Variants in RYR3 observed in about 807,000 individuals in gnomAD.
The protein encoded by RYR3 is ryanodine receptor 3, also known as brain ryanodine receptor-calcium release channel.
Under a neutral mutation model 584.3 loss-of-function variants are expected in RYR3, and 207 were observed. The ratio of observed to expected loss-of-function variants is 0.35; its 90% CI spans 0.32 to 0.40. The LOEUF is 0.40. Ranked by LOEUF, RYR3 falls within the 10% of genes least tolerant of loss-of-function variation. The probability of loss-of-function intolerance (pLI) is 1.00; values close to 1 mark genes in which losing one functional copy is unlikely to be tolerated. For missense variants in RYR3, 5,616 were observed against 6,089.2 expected (o/e 0.92, Z 2.59); for synonymous variants, 2,416 against 2,248.5 (o/e 1.07, Z -2.11).
At chr15:33,504,313 T>A (rs2052270429) in intron 3 of RYR3, among the ~76,000 whole-genome samples, 1 of 152,230 alleles carries the variant, frequency 6.6e-6, no homozygotes, top group Non-Finnish European at 1.5e-5. Context: ...TCAGAAGGCT[T>A]TTGGGCAAGA....
intron 64 of RYR3, among the ~76,000 whole-genome samples, chr15:33,777,726 G>C (rs566090094): frequency 6.6e-6 from 1 of 150,950 alleles, no homozygotes; most frequent in Non-Finnish European, 1.5e-5. Context: ...CTTCGTGTCT[G>C]ACTAACCTTC....
At chr15:33,650,043 A>C (rs1182053545) in intron 31 of RYR3, among the ~76,000 whole-genome samples, 1 of 152,226 alleles carries the variant, frequency 6.6e-6, no homozygotes, top group Non-Finnish European at 1.5e-5. Context: ...GCCAGAGGTG[A>C]GTCACAGTCA....
At chr15:33,787,099 A>G (rs1429753) in intron 66 of RYR3, among the ~76,000 whole-genome samples, 107,220 of 152,144 alleles carry the variant, frequency 0.7, 38,352 homozygotes, top group East Asian at 0.96. Context: ...CACAACGTGA[A>G]GGCCACTGAT....
intron 1 of RYR3, among the ~76,000 whole-genome samples, chr15:33,460,264 G>T (rs769024256): frequency 3.3e-5 from 5 of 152,222 alleles, no homozygotes; most frequent in Non-Finnish European, 5.9e-5. Context: ...AAGGGAAGCT[G>T]CTCCTTTAAC....
intron 3 of RYR3, among the ~76,000 whole-genome samples, chr15:33,511,828 C>G (rs905189199): frequency 2.6e-5 from 4 of 152,032 alleles, no homozygotes; most frequent in Admixed American, 2.0e-4. Flanking sequence ...GCCCAGGCTG[C>G]AGTGCAGTGG....
At chr15:33,825,445 C>T (rs1167037596) in intron 81 of RYR3, among the ~76,000 whole-genome samples, 158 bp from the exon 82 acceptor site, 2 of 152,068 alleles carry the variant, frequency 1.3e-5, no homozygotes, top group Admixed American at 1.3e-4. Context: ...CGGCACAAAA[C>T]CAAGGAATCA....
intron 1 of RYR3, among the ~76,000 whole-genome samples, chr15:33,446,896 G>A (rs1376237239): frequency 6.6e-5 from 10 of 152,154 alleles, no homozygotes; most frequent in South Asian, 4.1e-4. Context: ...GTTCTCCAAC[G>A]CCTTCACCAC....
At chr15:33,516,495 C>A (rs562354255) in intron 3 of RYR3, among the ~76,000 whole-genome samples, 1 of 152,064 alleles carries the variant, frequency 6.6e-6, no homozygotes, top group African/African-American at 2.4e-5. Context: ...AGATGCCCAC[C>A]ACCACGCCTG....
Position 33,724,988 on chromosome 15 carries a change from C to T in RYR3, c.6912+812C>T, listed in dbSNP as rs570825783. Among the ~76,000 whole-genome samples the T allele has an allele frequency of 3.3e-5, 5 of 151,964 alleles. No homozygotes were observed. In the South Asian group the frequency reaches 8.3e-4, roughly 25 times the overall value. ...TGGCGGGGGTGGAGAGGGTCAGAGA[C>T]CCCTGTGTGTTCGCACTCTAGCTTT... On this transcript the variant is annotated intron_variant, in intron 45 of 103. Coordinates refer to ENST00000634891, the MANE Select transcript of RYR3 (RefSeq NM_001036.6).
intron 1 of RYR3, chr15:33,467,381 C>A: frequency 5.7e-6 from 3 of 527,162 alleles, no homozygotes; most frequent in Non-Finnish European, 7.3e-6. Flanking sequence ...CAGAGAGTTC[C>A]TCACAGGTGA....
intron 70 of RYR3, among the ~76,000 whole-genome samples, chr15:33,808,255 T>A (rs530741930): frequency 1.3e-5 from 2 of 152,230 alleles, no homozygotes; most frequent in East Asian, 3.9e-4. Flanking sequence ...TTACTTGCTA[T>A]GTGATCTTGG....
intron 1 of RYR3, among the ~76,000 whole-genome samples, chr15:33,395,562 A>T (rs1350877752): frequency 6.6e-6 from 1 of 152,188 alleles, no homozygotes; most frequent in Non-Finnish European, 1.5e-5. Context: ...CTGGTAATGA[A>T]TCTGGGCCAG....
At chr15:33,526,730 C>T (rs1168954879) in intron 3 of RYR3, among the ~76,000 whole-genome samples, 1 of 151,986 alleles carries the variant, frequency 6.6e-6, no homozygotes, top group East Asian at 1.9e-4. Context: ...TGCATGCCTC[C>T]TATGGTGCCG....
chr15:33,535,388 C>T (rs1244860912), intron 5 of RYR3, among the ~76,000 whole-genome samples: 5 of 152,196 alleles, frequency 3.3e-5, no homozygotes, highest in East Asian at 1.9e-4. Flanking sequence ...AAAGTGGCCC[C>T]GCCTTTGCCC....
intron 1 of RYR3, among the ~76,000 whole-genome samples, chr15:33,416,143 A>C (rs1247512484): frequency 1.3e-5 from 2 of 152,160 alleles, no homozygotes; most frequent in East Asian, 3.8e-4. Flanking sequence ...TTGCTCTTGT[A>C]AATAGTGCTG....
At chr15:33,678,323 T>A (rs766814949) in intron 38 of RYR3, among the ~76,000 whole-genome samples, 1 of 152,138 alleles carries the variant, frequency 6.6e-6, no homozygotes, top group East Asian at 1.9e-4. Flanking sequence ...ATAATAGAGT[T>A]CCCACAAGAT....
intron 55 of RYR3, among the ~76,000 whole-genome samples, chr15:33,748,968 A>G (rs1231669400): frequency 2.0e-5 from 3 of 152,216 alleles, no homozygotes; most frequent in Non-Finnish European, 4.4e-5. Context: ...TGTGAATTCT[A>G]TATAAATAGT....
intron 45 of RYR3, among the ~76,000 whole-genome samples, chr15:33,725,991 A>AT (rs1567034134): frequency 7.2e-6 from 1 of 139,256 alleles, no homozygotes; most frequent in Non-Finnish European, 1.6e-5. Context: ...AAAAAAAAAA[A>AT]AAAAAACAGA....
intron 1 of RYR3, among the ~76,000 whole-genome samples, chr15:33,457,628 AG>A (rs2047666928): frequency 6.6e-6 from 1 of 152,196 alleles, no homozygotes. Flanking sequence ...AAAAAGTTAT[AG>A]TTAGGAGGAA....
Sources: gnomAD v4.1 joint callset for allele counts (sites outside exome capture counted in the v4.1 genomes callset) on GRCh38, gnomAD v4.1.1 for gene constraint, MANE v1.5 for transcripts, NCBI Gene and HGNC (gene_info 2026-07-23, HGNC 2026-07-21) for gene names.